Variants in FNBP1 observed in about 807,000 individuals in gnomAD.
The protein encoded by FNBP1 is formin binding protein 1.
Under a neutral mutation model 90.6 loss-of-function variants are expected in FNBP1, and 26 were observed. The observed-to-expected ratio is 0.29, with a 90% confidence interval of 0.21 to 0.40. The LOEUF is 0.40. Among genes scored for constraint, FNBP1 ranks in the 10% least tolerant of loss-of-function variants. FNBP1 has a pLI of 1.00. For missense variants in FNBP1, 635 were observed against 768.0 expected, an observed-to-expected ratio of 0.83 and a Z score of 2.05; for synonymous variants, 260 against 265.2, an observed-to-expected ratio of 0.98 and a Z score of 0.19.
intron 10 of FNBP1, among the ~76,000 whole-genome samples, chr9:129,921,697 G>A (rs1208548983): frequency 6.6e-6 from 1 of 152,212 alleles, no homozygotes; most frequent in East Asian, 1.9e-4. Context: ...ACGGGCATGA[G>A]CCACTGTGCC....
chr9:129,935,916 C>T (rs1325525944), intron 6 of FNBP1, among the ~76,000 whole-genome samples: 5 of 151,290 alleles, frequency 3.3e-5, no homozygotes, highest in Admixed American at 2.7e-4. Flanking sequence ...TTAACATGGC[C>T]CCAGATCTCT....
At chr9:129,908,378 CTT>C (rs530113400) in intron 12 of FNBP1, among the ~76,000 whole-genome samples, 2 of 132,458 alleles carry the variant, frequency 1.5e-5, no homozygotes, top group Admixed American at 7.7e-5. Flanking sequence ...TAGTTTTTTT[CTT>C]TTTTTTTTTT....
chr9:129,905,541 C>T (rs1413846066), intron 12 of FNBP1, among the ~76,000 whole-genome samples: 1 of 151,986 alleles, frequency 6.6e-6, no homozygotes, highest in Non-Finnish European at 1.5e-5. Context: ...AACTCCTGAC[C>T]TCAGATGATC....
rs547498126 is a variant in FNBP1, at chr9:130,042,682, G to A, written c.24+270C>T. Among the ~76,000 whole-genome samples, 155 of 151,774 alleles carry A rather than the reference G, an allele frequency of 1.0e-3. 1 individual carries two copies. The highest frequency in any genetic ancestry group is 3.6e-3 in the African/African-American group (148 of 41,494). On this transcript the variant is annotated intron_variant, in intron 1 of 16. Transcript: ENST00000446176. This position sits in a 1 kb window ranked among gnomAD's most constrained non-coding sequence, Gnocchi z 5.5. ...CACACACGGCCCGCTCCGGGGCGCC[G>A]GGGACAGGGAGGCCCGCCCGCGCCG... is the stretch of plus-strand genomic sequence containing the variant.
intron 6 of FNBP1, among the ~76,000 whole-genome samples, chr9:129,931,797 AAAAAC>A (rs2042786176): frequency 6.6e-6 from 1 of 150,856 alleles, no homozygotes; most frequent in African/African-American, 2.4e-5. Flanking sequence ...GACTGTTTCA[AAAAAC>A]AAAACAAAAC....
At chr9:129,965,697 C>CACGT (rs1290091204) in intron 4 of FNBP1, among the ~76,000 whole-genome samples, 5 of 97,772 alleles carry the variant, frequency 5.1e-5, no homozygotes, top group South Asian at 3.8e-4. Flanking sequence ...CACACACACA[C>CACGT]GCGCGCGCGC....
intron 1 of FNBP1, among the ~76,000 whole-genome samples, chr9:129,997,674 AT>A (rs1436470601): frequency 6.6e-6 from 1 of 152,110 alleles, no homozygotes; most frequent in African/African-American, 2.4e-5. Context: ...CAGTAATCAT[AT>A]TTATTTTTAA....
At chr9:130,053,287 TTA>T in the FNBP1 span, 4 of 152,344 alleles carry the variant, frequency 2.6e-5, no homozygotes, top group Admixed American at 2.6e-4. Flanking sequence ...AGCAAATGAC[TTA>T]TTTCTCAGAG....
intron 1 of FNBP1, among the ~76,000 whole-genome samples, chr9:130,034,117 C>A (rs984331338): frequency 1.3e-4 from 19 of 151,270 alleles, no homozygotes; most frequent in Non-Finnish European, 2.4e-4. Context: ...GTCAGGAGAT[C>A]GAGACCATCC....
chr9:129,907,545 CTT>C (rs1349696642), intron 12 of FNBP1, among the ~76,000 whole-genome samples: 1 of 151,322 alleles, frequency 6.6e-6, no homozygotes, highest in African/African-American at 2.4e-5. Context: ...TGGTATACCT[CTT>C]GAGACAGATC....
At chr9:129,892,999 G>A (rs1056960235) in intron 16 of FNBP1, among the ~76,000 whole-genome samples, 3 of 151,674 alleles carry the variant, frequency 2.0e-5, no homozygotes, top group African/African-American at 7.3e-5. Flanking sequence ...TTGACAGAAT[G>A]CCTTTTTTCA....
intron 2 of FNBP1, among the ~76,000 whole-genome samples, chr9:129,989,979 T>C (rs996559779): frequency 6.6e-6 from 1 of 151,698 alleles, no homozygotes; most frequent in Admixed American, 6.6e-5. Context: ...TGAGCCAAGA[T>C]CGTGCCACTG....
chr9:130,040,999 CTTTT>C (rs2059772961), intron 1 of FNBP1, among the ~76,000 whole-genome samples: 6 of 137,402 alleles, frequency 4.4e-5, no homozygotes, highest in Admixed American at 3.6e-4. Context: ...TTTCTTTTTT[CTTTT>C]CTTTTTTTTT....
intron 1 of FNBP1, among the ~76,000 whole-genome samples, chr9:130,036,004 A>G (rs1435373482): frequency 2.0e-5 from 3 of 151,954 alleles, no homozygotes; most frequent in African/African-American, 7.3e-5. Context: ...TATAATACAC[A>G]TATTTGGCCT....
intron 16 of FNBP1, 145 bp downstream of exon 16, chr9:129,895,693 C>T (rs111936986): frequency 0.012 from 16,419 of 1,316,848 alleles, 113 homozygotes; most frequent in Non-Finnish European, 0.014. Context: ...CTGAAGTCCA[C>T]GTGAGACTAC....
intron 1 of FNBP1, among the ~76,000 whole-genome samples, chr9:130,028,897 G>A (rs1421135577): frequency 2.6e-5 from 4 of 152,020 alleles, no homozygotes; most frequent in East Asian, 1.9e-4. Context: ...CTAGGCTATC[G>A]ACGCAATATT....
At chr9:129,893,308 C>T (rs1245360850) in intron 16 of FNBP1, among the ~76,000 whole-genome samples, 1 of 151,668 alleles carries the variant, frequency 6.6e-6, no homozygotes, top group East Asian at 1.9e-4. Flanking sequence ...GCAAAAGTAT[C>T]CAAAAGAAAT....
At chr9:130,015,552 T>C (rs1191608065) in intron 1 of FNBP1, among the ~76,000 whole-genome samples, 1 of 152,192 alleles carries the variant, frequency 6.6e-6, no homozygotes, top group East Asian at 1.9e-4. Context: ...AATTACACAC[T>C]CACCAACAGT....
rs926488848 is a variant in FNBP1 at position 129,923,988 on chromosome 9, AG to A, written c.1025del (p.Pro342LeufsTer34). Reference protein sequence around the residue: ...SLLTSPHQPPPPPPASASPSA... With the variant: ...SLLTSPHQPPXPPPASASPSA... ...AGGGTGAGGCAGAGGCAGGAGGGGGAGGGGGAGGCTGATGGGGGGATGTTAA... is the reference window on the plus strand; with the variant it reads ...AGGGTGAGGCAGAGGCAGGAGGGGGAGGGGAGGCTGATGGGGGGATGTTAA... On this transcript the variant is annotated frameshift_variant, in exon 10 of 17. Coordinates refer to ENST00000446176, the MANE Select transcript of FNBP1 (RefSeq NM_015033.3). LOFTEE classifies it high-confidence loss of function. 2 of 1,114,612 alleles carry A rather than the reference AG, an allele frequency of 1.8e-6. No homozygotes were observed. The highest frequency in any genetic ancestry group is 4.6e-5 in the East Asian group (1 of 21,912). The allele number at this position is 1,114,612 out of a possible 1,614,324, so 69.0% of individuals were successfully genotyped here.
Sources: gnomAD v4.1 joint callset for allele counts (sites outside exome capture counted in the v4.1 genomes callset) on GRCh38, gnomAD v4.1.1 for gene constraint, Gnocchi (gnomAD v3.1) non-coding constraint, MANE v1.5 for transcripts, NCBI Gene and HGNC (gene_info 2026-07-23, HGNC 2026-07-21) for gene names.